Variants in CCDC7 observed in about 807,000 individuals in gnomAD.
The protein encoded by CCDC7 is coiled-coil domain-containing protein 7.
Under a neutral mutation model 196.9 loss-of-function variants are expected in CCDC7, and 183 were observed. The ratio of observed to expected loss-of-function variants is 0.93; its 90% confidence interval spans 0.82 to 1.05. The LOEUF (loss-of-function observed/expected upper bound fraction) is 1.05, where lower values mean the gene tolerates loss of function less well. Among genes scored for constraint, CCDC7 ranks in the 50% least tolerant of loss-of-function variants. The pLI is 0.00. For synonymous variants in CCDC7, 525 were observed against 484.6 expected, an observed-to-expected ratio of 1.08 and a Z score of -1.10; for missense variants, 1,540 against 1,482.2, an observed-to-expected ratio of 1.04 and a Z score of -0.64.
chr10:32,702,961 CTT>C (rs1466063567), intron 24 of CCDC7, among the ~76,000 whole-genome samples: 4 of 152,144 alleles, frequency 2.6e-5, no homozygotes, highest in Non-Finnish European at 4.4e-5. Flanking sequence ...GGTCTTGACT[CTT>C]TATCCAATTT....
chr10:32,695,449 C>T (rs534955000), intron 24 of CCDC7, among the ~76,000 whole-genome samples: 27 of 152,212 alleles, frequency 1.8e-4, no homozygotes, highest in Non-Finnish European at 3.7e-4. Flanking sequence ...GTCTCCAGAA[C>T]ATCCTGTCTT....
intron 9 of CCDC7, among the ~76,000 whole-genome samples, chr10:32,516,875 A>T (rs2047108249): frequency 6.6e-6 from 1 of 152,246 alleles, no homozygotes; most frequent in Non-Finnish European, 1.5e-5. Flanking sequence ...AATGTTCATA[A>T]TAGCATTATT....
intron 35 of CCDC7, 108 bp from the exon 37 acceptor site, chr10:32,845,768 T>TAC (rs145287806): frequency 0.43 from 322,798 of 746,006 alleles, 25,932 homozygotes; most frequent in Admixed American, 0.46. Flanking sequence ...CTTCCATAAT[T>TAC]ACACACACAC....
chr10:32,652,457 A>T (rs942842261), intron 20 of CCDC7, among the ~76,000 whole-genome samples: 1 of 152,002 alleles, frequency 6.6e-6, no homozygotes, highest in African/African-American at 2.4e-5. Flanking sequence ...TTTTGTTGCT[A>T]ATTTTACTGT....
intron 28 of CCDC7, among the ~76,000 whole-genome samples, chr10:32,771,012 G>A (rs911722027): frequency 2.6e-5 from 4 of 152,096 alleles, no homozygotes; most frequent in Non-Finnish European, 5.9e-5. Flanking sequence ...AGACAGCAGA[G>A]ATTTGGGTTG....
chr10:32,824,983 C>T (rs1365280753), intron 32 of CCDC7, among the ~76,000 whole-genome samples: 1 of 152,176 alleles, frequency 6.6e-6, no homozygotes, highest in Admixed American at 6.5e-5. Context: ...TCATCGGTTA[C>T]CCATTCCCTC....
At chr10:32,672,152 C>T (rs1446113125) in intron 21 of CCDC7, among the ~76,000 whole-genome samples, 1 of 152,130 alleles carries the variant, frequency 6.6e-6, no homozygotes. Context: ...AGTAACAGCA[C>T]TTATGCCCAG....
intron 18 of CCDC7, among the ~76,000 whole-genome samples, chr10:32,609,689 T>A (rs1460175480): frequency 6.6e-6 from 1 of 152,172 alleles, no homozygotes; most frequent in Non-Finnish European, 1.5e-5. Context: ...GAGGTGACTG[T>A]ATAATGGGGC....
At chr10:32,864,416 C>G (rs2094131298) in intron 41 of CCDC7, among the ~76,000 whole-genome samples, 1 of 151,456 alleles carries the variant, frequency 6.6e-6, no homozygotes, top group African/African-American at 2.4e-5. Context: ...CTACTTATAA[C>G]AAGACCTGAA....
In CCDC7 at chr10:32,577,959, T is replaced by A. The variant is rs73255439; in HGVS notation, c.1455-5075T>A. 1.5e-3 allele frequency among the ~76,000 whole-genome samples: 221 copies of A among 152,308 alleles called. 1 individual carries two copies. The highest frequency in any genetic ancestry group is 5.1e-3 in the African/African-American group (213 of 41,560). ...CACTCAGCAGGAGAAGAAAATCATT[T>A]CATCCAAAGATGTAGGAAATGACAA... is the stretch of plus-strand genomic sequence containing the variant. On this transcript the variant is annotated intron_variant, in intron 16 of 41. Transcript: ENST00000639629.
At position 32,732,592 on chromosome 10, in the gene CCDC7, T is replaced by A. The variant is rs545818689; in HGVS notation, c.2905+3135T>A. Among the ~76,000 whole-genome samples the A allele has an allele frequency of 1.5e-3, 228 of 152,280 alleles. 2 individuals are homozygous for A. The highest frequency in any genetic ancestry group is 5.2e-3 in the African/African-American group (217 of 41,578). On this transcript the variant is annotated intron_variant, in intron 28 of 41. Coordinates refer to ENST00000639629, the Ensembl canonical transcript of CCDC7. The stretch of plus-strand genomic sequence containing the variant: ...TTTGTTCTATGTTTCTAAAGCTTTT[T>A]TTTATATACATACACATTTTAAATT...
At chr10:32,642,866 G>T (rs11598132) in intron 20 of CCDC7, among the ~76,000 whole-genome samples, 18 of 152,144 alleles carry the variant, frequency 1.2e-4, no homozygotes, top group Non-Finnish European at 2.4e-4. Flanking sequence ...TGAATTAGAT[G>T]AAAATATTTT....
intron 41 of CCDC7, among the ~76,000 whole-genome samples, chr10:32,864,806 A>T (rs1362450002): frequency 6.6e-6 from 1 of 151,962 alleles, no homozygotes; most frequent in Non-Finnish European, 1.5e-5. Flanking sequence ...ATTCTTATAG[A>T]TGTCAATGGG....
intron 21 of CCDC7, among the ~76,000 whole-genome samples, chr10:32,683,657 A>G (rs894761088): frequency 5.9e-5 from 9 of 152,166 alleles, no homozygotes; most frequent in Non-Finnish European, 1.2e-4. Context: ...TTCTTTTAGC[A>G]GTGCTTTGTA....
chr10:32,571,918 TC>T, intron 16 of CCDC7, 25 bp downstream of exon 17: 1 of 1,563,770 alleles, frequency 6.4e-7, no homozygotes, highest in South Asian at 1.2e-5. Flanking sequence ...AAAAATTTGT[TC>T]CCTCATTTTC....
Position 32,571,704 on chromosome 10 carries a change from A to G in CCDC7, c.1420-155A>G, listed in dbSNP as rs563405160. Among the ~76,000 whole-genome samples, 27 of 152,238 alleles carry G rather than the reference A, an allele frequency of 1.8e-4. 1 individual carries two copies. In the South Asian group the frequency reaches 5.0e-3, roughly 28 times the overall value. ...CTCTCCTTCTATAATGTCTCTTCCA[A>G]TGCTAAAATATGATAATTTCTTTGC... On this transcript the variant is annotated intron_variant, in intron 15 of 41. Coordinates refer to ENST00000639629, the Ensembl canonical transcript of CCDC7.
intron 30 of CCDC7, among the ~76,000 whole-genome samples, chr10:32,811,850 A>G (rs1448840935): frequency 6.6e-6 from 1 of 152,172 alleles, no homozygotes; most frequent in Non-Finnish European, 1.5e-5. Flanking sequence ...ATTCAACAAC[A>G]TATCAGGAAG....
intron 8 of CCDC7, among the ~76,000 whole-genome samples, chr10:32,477,073 T>TA (rs397719619): frequency 2.1e-4 from 32 of 151,798 alleles, no homozygotes; most frequent in Non-Finnish European, 3.4e-4. Context: ...ATTTTTTTTT[T>TA]ATTTCACGAA....
At chr10:32,500,622 G>T (rs574972746) in intron 9 of CCDC7, among the ~76,000 whole-genome samples, 1 of 152,100 alleles carries the variant, frequency 6.6e-6, no homozygotes, top group Non-Finnish European at 1.5e-5. Flanking sequence ...AGGCAGAGAC[G>T]CTCCTCACTT....
Sources: gnomAD v4.1 joint callset for allele counts (sites outside exome capture counted in the v4.1 genomes callset) on GRCh38, gnomAD v4.1.1 for gene constraint, MANE v1.5 for transcripts, NCBI Gene and HGNC (gene_info 2026-07-23, HGNC 2026-07-21) for gene names.